The following GRIP1 variants were observed in gnomAD, a reference collection of about 807,000 sequenced individuals.
GRIP1 encodes the protein glutamate receptor interacting protein 1.
GRIP1 carries 45 observed loss-of-function variants against 129.9 expected under a neutral mutation model. That is an observed-to-expected ratio of 0.35 (90% CI 0.27 to 0.44). The LOEUF is 0.44. Ranked by LOEUF, GRIP1 falls within the 20% of genes least tolerant of loss-of-function variation. GRIP1 has a pLI of 1.00. For missense variants in GRIP1, 1,196 were observed against 1,396.8 expected (o/e 0.86, Z 2.29); for synonymous variants, 530 against 520.8 (o/e 1.02, Z -0.24).
At chr12:66,712,698 T>C (rs1453477429) in intron 1 of GRIP1, among the ~76,000 whole-genome samples, 2 of 152,038 alleles carry the variant, frequency 1.3e-5, no homozygotes, top group African/African-American at 2.4e-5. Context: ...CTACGTGACC[T>C]GGGGTGAATC....
intron 1 of GRIP1, among the ~76,000 whole-genome samples, chr12:66,628,084 C>G (rs1565922414): frequency 6.6e-6 from 1 of 152,162 alleles, no homozygotes. Context: ...AGAAATCCCC[C>G]AACTCTGCTT....
At chr12:66,725,538 C>T (rs996422560) in intron 1 of GRIP1, among the ~76,000 whole-genome samples, 41 of 151,886 alleles carry the variant, frequency 2.7e-4, no homozygotes, top group African/African-American at 9.9e-4. Context: ...ATTTTTTTCT[C>T]ACTTGGTATA....
At chr12:66,746,712 A>C (rs1566000219) in intron 1 of GRIP1, among the ~76,000 whole-genome samples, 1 of 152,200 alleles carries the variant, frequency 6.6e-6, no homozygotes, top group South Asian at 2.1e-4. Flanking sequence ...TAAGAGGAAA[A>C]GAATATGATT....
At chr12:66,491,440 C>T (rs928294484) in intron 7 of GRIP1, among the ~76,000 whole-genome samples, 12 of 152,092 alleles carry the variant, frequency 7.9e-5, no homozygotes, top group South Asian at 2.1e-4. Flanking sequence ...TGAGGAGGAA[C>T]AACACACACT....
chr12:66,884,223 T>C (rs2040526376), intron 1 of GRIP1, among the ~76,000 whole-genome samples: 1 of 152,254 alleles, frequency 6.6e-6, no homozygotes, highest in South Asian at 2.1e-4. Context: ...TGAGACCGCT[T>C]AGCGCTTTTG....
intron 7 of GRIP1, among the ~76,000 whole-genome samples, chr12:66,511,296 T>C (rs2060691746): frequency 6.6e-6 from 1 of 152,134 alleles, no homozygotes; most frequent in Non-Finnish European, 1.5e-5. Context: ...TAAACCTCTT[T>C]CTTTTGTAAA....
intron 1 of GRIP1, among the ~76,000 whole-genome samples, chr12:66,969,575 C>T (rs528153829): frequency 5.3e-5 from 8 of 152,132 alleles, no homozygotes; most frequent in African/African-American, 9.6e-5. Context: ...TGCCACCACG[C>T]CTGGCTAATT....
intron 1 of GRIP1, among the ~76,000 whole-genome samples, chr12:66,886,110 A>G (rs545780108): frequency 6.6e-6 from 1 of 152,174 alleles, no homozygotes; most frequent in East Asian, 1.9e-4. Context: ...CTAAAAATAC[A>G]AACAAATTAG....
intron 1 of GRIP1, among the ~76,000 whole-genome samples, chr12:66,769,815 C>A (rs2037762121): frequency 6.6e-6 from 1 of 151,744 alleles, no homozygotes; most frequent in Non-Finnish European, 1.5e-5. Flanking sequence ...CAAAAAATAA[C>A]AGAGTATTAG....
chr12:66,638,384 A>C (rs544248039), intron 1 of GRIP1, among the ~76,000 whole-genome samples: 1 of 152,340 alleles, frequency 6.6e-6, no homozygotes, highest in Admixed American at 6.5e-5. Context: ...TACATTAAAT[A>C]AAGAGAAAGA....
chr12:66,525,608 T>C (rs1446189774), intron 5 of GRIP1, among the ~76,000 whole-genome samples: 1 of 151,498 alleles, frequency 6.6e-6, no homozygotes, highest in East Asian at 2.0e-4. Flanking sequence ...GCATTCCCTC[T>C]GAAAACTGGC....
rs942787572 is a variant in GRIP1 at position 66,976,829 on chromosome 12, A to G, written c.58+92221T>C. 2.6e-5 allele frequency among the ~76,000 whole-genome samples: 4 copies of G among 152,162 alleles called. No individual in the cohort carries two copies. The South Asian group carries it at 8.3e-4, about 32-fold the overall frequency. On this transcript the variant is annotated intron_variant, in intron 1 of 1. Transcript: ENST00000643019. ...CCTTCTAATGTCATTATTTCTACTT[A>G]TCTCTACTCTTCCAAACTCTTCTTT...
At chr12:66,733,840 A>C (rs755757398) in intron 1 of GRIP1, among the ~76,000 whole-genome samples, 3 of 152,338 alleles carry the variant, frequency 2.0e-5, no homozygotes, top group Admixed American at 6.5e-5. Context: ...ACCTCACTGC[A>C]TAACACATGA....
At chr12:66,733,042 T>C (rs911073056) in intron 1 of GRIP1, among the ~76,000 whole-genome samples, 2 of 152,108 alleles carry the variant, frequency 1.3e-5, no homozygotes, top group South Asian at 2.1e-4. Flanking sequence ...TAAAAAGGGA[T>C]GGGTTCTTGC....
At chr12:66,517,405 T>A (rs1256001123) in intron 6 of GRIP1, among the ~76,000 whole-genome samples, 1 of 151,688 alleles carries the variant, frequency 6.6e-6, no homozygotes, top group Non-Finnish European at 1.5e-5. Flanking sequence ...GTCACTTCCA[T>A]TCTGACCTAC....
Position 66,371,865 on chromosome 12 carries a change from C to G in GRIP1, c.2841G>C (p.Gln947His), listed in dbSNP as rs1223137662. The G allele has an allele frequency of 1.9e-6, 3 of 1,613,550 alleles. No homozygotes were observed. The highest frequency in any genetic ancestry group is 2.5e-6 in the Non-Finnish European group (3 of 1,179,990). ...LNHEAPTPRS[Q>H]LGRQASFQER... Reference sequence around the variant, plus strand: ...CCTGGAAGCTGGCCTGTCGCCCCAGCTGACTGCGAGGTGTTGGAGCCTCAT... The same window carrying G: ...CCTGGAAGCTGGCCTGTCGCCCCAGGTGACTGCGAGGTGTTGGAGCCTCAT... The change falls in exon 23 of 25, where the codon CAG (glutamine) becomes CAC (histidine). Residue 947 changes from glutamine to histidine, a missense_variant. Around this residue, in one of 5 missense-constraint regions of GRIP1, gnomAD observed 427 missense variants for 463.3 expected, o/e 0.92. Coordinates refer to ENST00000359742, the MANE Select transcript of GRIP1 (RefSeq NM_001366722.1).
intron 2 of GRIP1, among the ~76,000 whole-genome samples, chr12:66,565,143 C>G (rs2062702552): frequency 6.6e-6 from 1 of 152,166 alleles, no homozygotes; most frequent in African/African-American, 2.4e-5. Flanking sequence ...TCCCATTTGT[C>G]AATTTTGGCT....
intron 1 of GRIP1, among the ~76,000 whole-genome samples, chr12:66,788,179 A>C (rs1310268899): frequency 2.0e-5 from 3 of 152,034 alleles, no homozygotes; most frequent in Non-Finnish European, 2.9e-5. Context: ...TGCTGCACCT[A>C]CTATCGGGAC....
intron 1 of GRIP1, among the ~76,000 whole-genome samples, chr12:66,990,626 T>C (rs939612108): frequency 6.6e-6 from 1 of 152,212 alleles, no homozygotes; most frequent in Non-Finnish European, 1.5e-5. Context: ...CATACACATA[T>C]CTGTTCTTCT....
Sources: allele counts gnomAD v4.1 joint callset (sites outside exome capture counted in the v4.1 genomes callset), GRCh38; gene constraint gnomAD v4.1.1; regional missense constraint gnomAD v4.1.1; transcripts MANE v1.5; gene names NCBI Gene and HGNC (gene_info 2026-07-23, HGNC 2026-07-21).